The following HECW1 variants were observed in gnomAD, a reference collection of about 807,000 sequenced individuals.
The protein encoded by HECW1 is HECT, C2 and WW domain containing E3 ubiquitin protein ligase 1.
A neutral mutation model predicts 182.3 loss-of-function variants in HECW1; 61 were observed. The ratio of observed to expected loss-of-function variants is 0.33; its 90% confidence interval spans 0.27 to 0.41. HECW1 has a LOEUF of 0.41. Ranked by LOEUF, HECW1 falls within the 10% of genes least tolerant of loss-of-function variation. The pLI is 1.00. For missense variants in HECW1, 1,739 were observed against 2,108.9 expected (o/e 0.82, Z 3.44); for synonymous variants, 859 against 832.6 (o/e 1.03, Z -0.55).
At chr7:43,334,449 A>G (rs1471837120) in intron 5 of HECW1, among the ~76,000 whole-genome samples, 1 of 152,180 alleles carries the variant, frequency 6.6e-6, no homozygotes, top group African/African-American at 2.4e-5. Context: ...TAGAGTCAAT[A>G]TGGTACCTAA....
chr7:43,267,709 A>G (rs17172187), intron 3 of HECW1, among the ~76,000 whole-genome samples: 2,152 of 152,246 alleles, frequency 0.014, 49 homozygotes, highest in African/African-American at 0.049. Context: ...TTAAGAGAAA[A>G]CAAATATTCA....
chr7:43,132,088 G>A (rs1026541554), intron 2 of HECW1, among the ~76,000 whole-genome samples: 1 of 152,204 alleles, frequency 6.6e-6, no homozygotes, highest in African/African-American at 2.4e-5. Context: ...GACTCTTAGT[G>A]AAAGGATCAT....
intron 3 of HECW1, among the ~76,000 whole-genome samples, chr7:43,268,527 G>C (rs1320004277): frequency 1.3e-5 from 2 of 152,202 alleles, no homozygotes; most frequent in Non-Finnish European, 2.9e-5. Flanking sequence ...CAGAGGCCGG[G>C]GATGCAGCTG....
chr7:43,189,895 G>A (rs183274742), intron 2 of HECW1, among the ~76,000 whole-genome samples: 359 of 152,280 alleles, frequency 2.4e-3, no homozygotes, highest in African/African-American at 8.2e-3. Context: ...TAGCAGACCT[G>A]CAACATATTT....
intron 15 of HECW1, among the ~76,000 whole-genome samples, chr7:43,468,025 G>A (rs908708194): frequency 3.9e-5 from 6 of 152,164 alleles, no homozygotes; most frequent in East Asian, 1.9e-4. Context: ...GGTGCAGGTG[G>A]CACTGGGCCA....
chr7:43,511,031 C>T (rs2079841737), intron 24 of HECW1: 1 of 152,182 alleles, frequency 6.6e-6, no homozygotes. Context: ...ACTGAAGAAG[C>T]TTTATAGATG....
At chr7:43,186,262 C>T (rs965173787) in intron 2 of HECW1, among the ~76,000 whole-genome samples, 1 of 152,128 alleles carries the variant, frequency 6.6e-6, no homozygotes, top group Non-Finnish European at 1.5e-5. Context: ...TCTGTTTGTG[C>T]TTTATAAATT....
chr7:43,458,362 A>G (rs1431305410), intron 13 of HECW1, among the ~76,000 whole-genome samples: 1 of 152,226 alleles, frequency 6.6e-6, no homozygotes, highest in Non-Finnish European at 1.5e-5. Context: ...GCATAAACCC[A>G]TGAAAGTTTA....
At chr7:43,335,481 A>G (rs147280719) in intron 5 of HECW1, among the ~76,000 whole-genome samples, 22 of 152,358 alleles carry the variant, frequency 1.4e-4, no homozygotes, top group African/African-American at 5.3e-4. Flanking sequence ...CACAGCAAGA[A>G]GGCAGCCATC....
rs1346291334 is a variant in HECW1 at position 43,407,587 on chromosome 7, A to G, written c.657A>G (p.Lys219=). 1 of 1,613,176 alleles carries G rather than the reference A, an allele frequency of 6.2e-7. No individual in the cohort carries two copies. Among genetic ancestry groups the G allele is most frequent in the South Asian group, 1.1e-5 (1 of 91,008 alleles). Residue 219 remains lysine, a synonymous_variant, in exon 8 of 30, where the codon AAA becomes AAG. Transcript: ENST00000395891. ...LSDFQAMGLK[K]GMFFNPDPYL... Reference sequence around the variant, plus strand: ...ATTTCCAAGCCATGGGGTTGAAGAAAGGGATGTTTTTCAACCCAGACCCTT... The same window carrying G: ...ATTTCCAAGCCATGGGGTTGAAGAAGGGGATGTTTTTCAACCCAGACCCTT...
At position 43,565,576 on chromosome 7, in the gene HECW1, A is replaced by ATTT. The variant is rs1324871901; in HGVS notation, c.*3652_*3653insTTT. 13 of 163,258 alleles carry ATTT rather than the reference A, an allele frequency of 8.0e-5. No individual in the cohort carries two copies. Among genetic ancestry groups the ATTT allele is most frequent in the Admixed American group, 2.0e-4 (3 of 15,306 alleles). 10.1% of individuals were successfully genotyped at this position (163,258 alleles called of 1,614,324 possible). On this transcript the variant is annotated 3_prime_UTR_variant, in exon 30 of 30. Coordinates refer to ENST00000395891, the MANE Select transcript of HECW1 (RefSeq NM_015052.5). ...GTGGTGCTTTATTATTATTATTATT[A>ATTT]TTATTTTTATTATTATTATTATTAC...
chr7:43,152,310 C>A (rs2152646106), intron 2 of HECW1, among the ~76,000 whole-genome samples: 1 of 152,244 alleles, frequency 6.6e-6, no homozygotes, highest in Non-Finnish European at 1.5e-5. Context: ...GCATTGAAAG[C>A]AGTAATCTCA....
intron 13 of HECW1, among the ~76,000 whole-genome samples, chr7:43,461,536 C>A (rs1369465623): frequency 6.6e-6 from 1 of 152,202 alleles, no homozygotes; most frequent in Non-Finnish European, 1.5e-5. Flanking sequence ...GGCCCCGTTC[C>A]CTGCCTTGGT....
chr7:43,379,842 A>G (rs1295622433), intron 6 of HECW1, among the ~76,000 whole-genome samples: 2 of 152,038 alleles, frequency 1.3e-5, no homozygotes, highest in East Asian at 1.9e-4. Context: ...CACTATTTTC[A>G]TTCATGGTGC....
intron 2 of HECW1, among the ~76,000 whole-genome samples, chr7:43,128,917 A>T (rs1786587382): frequency 6.6e-6 from 1 of 152,180 alleles, no homozygotes; most frequent in African/African-American, 2.4e-5. Flanking sequence ...ATAACAACAG[A>T]ACTAGAATTG....
chr7:43,317,245 G>A (rs1809437773), intron 4 of HECW1, among the ~76,000 whole-genome samples: 2 of 152,152 alleles, frequency 1.3e-5, no homozygotes, highest in African/African-American at 4.8e-5. Context: ...GGGGGTGGGG[G>A]CAGGCAGTGA....
At chr7:43,300,549 G>C (rs1447554733) in intron 3 of HECW1, among the ~76,000 whole-genome samples, 1 of 152,182 alleles carries the variant, frequency 6.6e-6, no homozygotes, top group Non-Finnish European at 1.5e-5. Flanking sequence ...ATGTAGGAGA[G>C]AGAGATGACT....
intron 3 of HECW1, among the ~76,000 whole-genome samples, chr7:43,276,588 T>G (rs779772459): frequency 2.6e-5 from 4 of 152,228 alleles, no homozygotes; most frequent in Non-Finnish European, 5.9e-5. Context: ...CATTATAAAT[T>G]ATGCCTAATC....
intron 8 of HECW1, among the ~76,000 whole-genome samples, chr7:43,433,404 T>A (rs942865849): frequency 6.6e-5 from 10 of 152,040 alleles, no homozygotes; most frequent in African/African-American, 2.4e-4. Flanking sequence ...CTCAAGGGAG[T>A]CTAATATAGT....
Sources: allele counts gnomAD v4.1 joint callset (sites outside exome capture counted in the v4.1 genomes callset), GRCh38; gene constraint gnomAD v4.1.1; transcripts MANE v1.5; gene names NCBI Gene and HGNC (gene_info 2026-07-23, HGNC 2026-07-21).